Variants in GRIK2 observed in about 807,000 individuals in gnomAD.
The protein encoded by GRIK2 is glutamate receptor ionotropic, kainate 2.
In GRIK2, 32 loss-of-function variants were observed where a neutral mutation model predicts 100.3. That is an observed-to-expected ratio of 0.32 (90% confidence interval 0.24 to 0.43). The LOEUF is 0.43. Among genes scored for constraint, GRIK2 ranks in the 20% least tolerant of loss-of-function variants. The pLI is 1.00. For synonymous variants in GRIK2, 417 were observed against 389.4 expected, an observed-to-expected ratio of 1.07 and a Z score of -0.83; for missense variants, 843 against 1,114.9, an observed-to-expected ratio of 0.76 and a Z score of 3.47.
At chr6:101,599,639 T>C (rs1779103883) in intron 2 of GRIK2, among the ~76,000 whole-genome samples, 1 of 151,916 alleles carries the variant, frequency 6.6e-6, no homozygotes, top group Non-Finnish European at 1.5e-5. Context: ...TGGTTTTGAT[T>C]TGTATTTCTC....
chr6:101,986,892 T>A (rs1794042668), intron 14 of GRIK2, among the ~76,000 whole-genome samples: 1 of 151,848 alleles, frequency 6.6e-6, no homozygotes, highest in Non-Finnish European at 1.5e-5. Context: ...GTAATCCCAC[T>A]ACTTTGAGAG....
intron 14 of GRIK2, among the ~76,000 whole-genome samples, chr6:102,025,384 A>G (rs1769641790): frequency 6.6e-6 from 1 of 151,306 alleles, no homozygotes; most frequent in Non-Finnish European, 1.5e-5. Flanking sequence ...TATACTACCT[A>G]GTCATTAAGA....
intron 2 of GRIK2, among the ~76,000 whole-genome samples, chr6:101,542,750 C>A (rs1307941253): frequency 6.6e-6 from 1 of 152,014 alleles, no homozygotes; most frequent in Admixed American, 6.6e-5. Flanking sequence ...GATGTCACAG[C>A]TCAAGCAGAA....
intron 4 of GRIK2, among the ~76,000 whole-genome samples, chr6:101,675,938 C>A (rs906721053): frequency 1.3e-5 from 2 of 152,038 alleles, no homozygotes; most frequent in Admixed American, 6.6e-5. Flanking sequence ...AGGTTATTCA[C>A]CAGAACATTA....
intron 14 of GRIK2, among the ~76,000 whole-genome samples, chr6:102,007,324 TTGAG>T (rs1202832532): frequency 6.6e-6 from 1 of 151,992 alleles, no homozygotes; most frequent in African/African-American, 2.4e-5. Flanking sequence ...TAGTGTGAGT[TTGAG>T]TGAGAAGTAA....
chr6:101,889,971 A>C, intron 12 of GRIK2, 108 bp downstream of exon 12: 1 of 689,008 alleles, frequency 1.5e-6, no homozygotes, highest in Non-Finnish European at 2.6e-6. Flanking sequence ...TTTATTTTCC[A>C]TGGGGTGCTG....
intron 9 of GRIK2, among the ~76,000 whole-genome samples, chr6:101,805,020 A>G (rs1319746203): frequency 6.6e-6 from 1 of 151,900 alleles, no homozygotes; most frequent in Non-Finnish European, 1.5e-5. Flanking sequence ...CTTTTTGTGG[A>G]CAAATTTATT....
At chr6:101,953,180 A>T (rs1791711406) in intron 14 of GRIK2, among the ~76,000 whole-genome samples, 1 of 152,218 alleles carries the variant, frequency 6.6e-6, no homozygotes, top group Non-Finnish European at 1.5e-5. Flanking sequence ...GAGGATGGAC[A>T]TTTGAATTGC....
At chr6:101,575,099 C>T (rs555124843) in intron 2 of GRIK2, among the ~76,000 whole-genome samples, 2 of 151,318 alleles carry the variant, frequency 1.3e-5, no homozygotes, top group Non-Finnish European at 3.0e-5. Flanking sequence ...AATTTTATTG[C>T]CTCTTACCTG....
At chr6:101,629,722 A>G (rs2128319788) in intron 4 of GRIK2, among the ~76,000 whole-genome samples, 1 of 152,126 alleles carries the variant, frequency 6.6e-6, no homozygotes, top group East Asian at 1.9e-4. Context: ...AATTTTTTTC[A>G]ACTTTCATTT....
chr6:101,626,242 GA>G (rs1780431608), intron 3 of GRIK2, 137 bp from the exon 4 acceptor site: 1 of 774,592 alleles, frequency 1.3e-6, no homozygotes, highest in African/African-American at 1.7e-5. Context: ...TTAAATTAGT[GA>G]AAAGTAGATA....
At chr6:101,792,281 T>C (rs1257186559) in intron 7 of GRIK2, among the ~76,000 whole-genome samples, 1 of 152,158 alleles carries the variant, frequency 6.6e-6, no homozygotes, top group African/African-American at 2.4e-5. Flanking sequence ...GCTCATTAGT[T>C]GATGCAGTTT....
intron 14 of GRIK2, among the ~76,000 whole-genome samples, chr6:102,007,327 A>C (rs534149812): frequency 6.6e-6 from 1 of 152,272 alleles, no homozygotes; most frequent in African/African-American, 2.4e-5. Context: ...TGTGAGTTTG[A>C]GTGAGAAGTA....
chr6:101,432,700 G>T (rs879374116), intron 2 of GRIK2, among the ~76,000 whole-genome samples: 37 of 152,172 alleles, frequency 2.4e-4, no homozygotes, highest in Admixed American at 1.5e-3. Flanking sequence ...AGGGTATGAT[G>T]AATTTGTTAT....
chr6:101,526,339 T>C (rs974624401), intron 2 of GRIK2, among the ~76,000 whole-genome samples: 1 of 152,194 alleles, frequency 6.6e-6, no homozygotes, highest in East Asian at 1.9e-4. Context: ...AGAAATTGGA[T>C]GGGAGAGTTA....
At chr6:101,441,126 G>T (rs957704712) in intron 2 of GRIK2, among the ~76,000 whole-genome samples, 4 of 151,966 alleles carry the variant, frequency 2.6e-5, no homozygotes, top group African/African-American at 9.7e-5. Flanking sequence ...TTACAGGCGT[G>T]AGCCACTACA....
At chr6:101,718,825 C>T (rs369179724) in intron 7 of GRIK2, among the ~76,000 whole-genome samples, 1 of 151,892 alleles carries the variant, frequency 6.6e-6, no homozygotes, top group Non-Finnish European at 1.5e-5. Context: ...TGATCCTCAA[C>T]CAAGCAAGGG....
chr6:101,985,725 T>TGGATTA (rs1793982378), intron 14 of GRIK2, among the ~76,000 whole-genome samples: 1 of 151,774 alleles, frequency 6.6e-6, no homozygotes, highest in Non-Finnish European at 1.5e-5. Context: ...AAGAAGGTTC[T>TGGATTA]TAGAATAGTT....
intron 2 of GRIK2, among the ~76,000 whole-genome samples, chr6:101,530,441 A>C (rs1049424932): frequency 1.3e-5 from 2 of 152,044 alleles, no homozygotes; most frequent in African/African-American, 4.8e-5. Flanking sequence ...AAAACATAAC[A>C]ATTAGAAGGA....
Sources: allele counts gnomAD v4.1 joint callset (sites outside exome capture counted in the v4.1 genomes callset), GRCh38; gene constraint gnomAD v4.1.1; transcripts MANE v1.5; gene names NCBI Gene and HGNC (gene_info 2026-07-23, HGNC 2026-07-21).